Variants in NFIC observed in about 807,000 individuals in gnomAD.
NFIC encodes the protein nuclear factor I C.
Under a neutral mutation model 54.4 loss-of-function variants are expected in NFIC, and 12 were observed. The ratio of observed to expected loss-of-function variants is 0.22; its 90% CI spans 0.14 to 0.36. The LOEUF is 0.36. NFIC is among the 10% of genes least tolerant of loss of function. NFIC has a pLI of 1.00. For synonymous variants in NFIC, 322 were observed against 319.2 expected (o/e 1.01, Z -0.09); for missense variants, 575 against 718.2 (o/e 0.80, Z 2.28).
chr19:3,422,696 G>A (rs559583097), intron 2 of NFIC, among the ~76,000 whole-genome samples: 1 of 151,888 alleles, frequency 6.6e-6, no homozygotes, highest in African/African-American at 2.4e-5. Context: ...CAGCCTGGGC[G>A]ACAGAGCGAG....
At chr19:3,368,913 C>G (rs1290688776) in intron 1 of NFIC, among the ~76,000 whole-genome samples, 6 of 147,066 alleles carry the variant, frequency 4.1e-5, no homozygotes, top group South Asian at 2.2e-4. Flanking sequence ...TGCTCTGACT[C>G]TGTGTGTGTG....
rs1304612681 is a variant in NFIC at position 3,461,946 on chromosome 19, C to G, written c.1510-806C>G. On this transcript the variant is annotated intron_variant, in intron 10 of 10. Coordinates refer to ENST00000443272, the MANE Select transcript of NFIC (RefSeq NM_001245002.2). ...GCATGCGCCTGTAATCCCAGCTACTCGGGAGGCTGAGGCAGGAGAATCACT... is the reference window on the plus strand; with the variant it reads ...GCATGCGCCTGTAATCCCAGCTACTGGGGAGGCTGAGGCAGGAGAATCACT... Among the ~76,000 whole-genome samples the G allele has an allele frequency of 2.0e-5, 3 of 151,290 alleles. No individual in the cohort carries two copies. In the East Asian group the frequency reaches 5.9e-4, roughly 30 times the overall value.
chr19:3,412,657 C>A (rs1448193458), intron 2 of NFIC, among the ~76,000 whole-genome samples: 1 of 152,176 alleles, frequency 6.6e-6, no homozygotes, highest in Admixed American at 6.5e-5. Context: ...CTCTGGGTAT[C>A]CTGGAGATTG....
At chr19:3,430,805 A>G (rs574499014) in intron 3 of NFIC, among the ~76,000 whole-genome samples, 12 of 151,904 alleles carry the variant, frequency 7.9e-5, no homozygotes, top group Non-Finnish European at 1.8e-4. Flanking sequence ...TGTGGCAGGT[A>G]CTTGTAATCC....
Position 3,369,233 on chromosome 19 carries a change from C to T in NFIC, c.30+2567C>T, listed in dbSNP as rs904450795. On this transcript the variant is annotated intron_variant, in intron 1 of 10. Transcript: ENST00000443272. This position sits in a 1 kb window ranked among gnomAD's most constrained non-coding sequence, Gnocchi z 4.3. ...TTCTCTGTCTCTGTCTCTCTGCCCC[C>T]TTCCTCTCTGTCTCTGTTTCTCTCC... is the stretch of plus-strand genomic sequence containing the variant. Among the ~76,000 whole-genome samples the T allele has an allele frequency of 5.3e-5, 8 of 151,888 alleles. No homozygotes were observed. Among genetic ancestry groups the T allele is most frequent in the African/African-American group, 1.9e-4 (8 of 41,326 alleles).
intron 2 of NFIC, among the ~76,000 whole-genome samples, chr19:3,410,220 T>G (rs896018431): frequency 1.3e-5 from 2 of 152,154 alleles, no homozygotes; most frequent in African/African-American, 4.8e-5. Context: ...TTTTGTATTT[T>G]TAATAGAGAC....
intron 2 of NFIC, among the ~76,000 whole-genome samples, chr19:3,388,921 C>T (rs1020272661): frequency 6.6e-6 from 1 of 152,112 alleles, no homozygotes; most frequent in Non-Finnish European, 1.5e-5. Flanking sequence ...AGGAGAGTCG[C>T]TTGAACCTAG....
intron 2 of NFIC, among the ~76,000 whole-genome samples, chr19:3,418,034 T>C (rs2081894316): frequency 6.6e-6 from 1 of 151,958 alleles, no homozygotes; most frequent in Non-Finnish European, 1.5e-5. Context: ...ACCAGCCACG[T>C]GTGGCTCTTT....
chr19:3,460,197 A>G (rs60492746), intron 10 of NFIC, among the ~76,000 whole-genome samples: 20,705 of 152,164 alleles, frequency 0.14, 2,072 homozygotes, highest in African/African-American at 0.27. Context: ...GTGGAGCAAG[A>G]GGGGGCCATC....
chr19:3,456,570 T>TC lies in NFIC; in HGVS notation c.1448dup (p.Ala484CysfsTer58). ...TGCAGCCTACTCTCCGCCCGACACG[T>TC]CCCCTGCAAACCGTTCCTTTGTGGG... is the stretch of plus-strand genomic sequence containing the variant. On this transcript the variant is annotated frameshift_variant, in exon 10 of 11. Coordinates refer to ENST00000443272, the MANE Select transcript of NFIC (RefSeq NM_001245002.2). LOFTEE classifies it high-confidence loss of function. 1 of 1,549,116 alleles carries TC rather than the reference T, an allele frequency of 6.5e-7. No homozygotes were observed. Among genetic ancestry groups the TC allele is most frequent in the Non-Finnish European group, 8.7e-7 (1 of 1,145,414 alleles).
At chr19:3,384,100 G>C (rs1015711689) in intron 2 of NFIC, among the ~76,000 whole-genome samples, 1 of 144,546 alleles carries the variant, frequency 6.9e-6, no homozygotes, top group Admixed American at 7.3e-5. Context: ...TGTCACCCAC[G>C]CTGGAGTGCA....
rs545554823 is a variant in NFIC, at chr19:3,411,489, G to A, written c.563-13617G>A. Among the ~76,000 whole-genome samples the A allele has an allele frequency of 3.9e-5, 6 of 151,938 alleles. No homozygotes were observed. The East Asian group carries it at 9.7e-4, about 25-fold the overall frequency. On this transcript the variant is annotated intron_variant, in intron 2 of 10. Transcript: ENST00000443272. ...ACTACAGGCACACACCACCATGCCC[G>A]GCTAATTTTTGTATTTTTAGTAGAG... is the stretch of plus-strand genomic sequence containing the variant.
At chr19:3,376,640 G>A (rs1418096165) in intron 1 of NFIC, among the ~76,000 whole-genome samples, 3 of 152,024 alleles carry the variant, frequency 2.0e-5, no homozygotes, top group African/African-American at 7.2e-5. Flanking sequence ...AAGCTGACGT[G>A]GGAGAATCGC....
chr19:3,373,428 CCT>C (rs2081054963), intron 1 of NFIC, among the ~76,000 whole-genome samples: 1 of 150,558 alleles, frequency 6.6e-6, no homozygotes, highest in Non-Finnish European at 1.5e-5. Context: ...ACCCTCCCCT[CCT>C]CTCTCTTTCC....
At position 3,467,788 on chromosome 19, in the gene NFIC, T is replaced by TATATATATATATATAA. The variant is rs566623409; in HGVS notation, c.*5020_*5021insTATATATATATATAAA. On this transcript the variant is annotated 3_prime_UTR_variant, in exon 11 of 11. Transcript: ENST00000443272. ...ATATATATATATATATATATATATA[T>TATATATATATATATAA]AATTTTGGAATTTGTTTCTCATAAT... is the stretch of plus-strand genomic sequence containing the variant. 5 of 136,798 alleles carry TATATATATATATATAA rather than the reference T, an allele frequency of 3.7e-5. No homozygotes were observed. Among genetic ancestry groups the TATATATATATATATAA allele is most frequent in the African/African-American group, 1.4e-4 (5 of 35,418 alleles). 8.5% of individuals were successfully genotyped at this position (136,798 alleles called of 1,614,324 possible). A position where few individuals can be genotyped will look rare whatever the true frequency, so the allele number is the denominator to read the frequency against.
intron 3 of NFIC, among the ~76,000 whole-genome samples, chr19:3,425,662 G>C (rs976045185): frequency 6.6e-6 from 1 of 152,050 alleles, no homozygotes; most frequent in Non-Finnish European, 1.5e-5. Context: ...GTTTCACCAT[G>C]TTGGCCAGGT....
At chr19:3,381,294 C>T (rs1283123897) in intron 1 of NFIC, among the ~76,000 whole-genome samples, 1 of 150,474 alleles carries the variant, frequency 6.6e-6, no homozygotes, top group Non-Finnish European at 1.5e-5. Flanking sequence ...ACTCGGGAGG[C>T]TGAGGCAGGA....
intron 2 of NFIC, among the ~76,000 whole-genome samples, chr19:3,422,035 C>G (rs1042379762): frequency 6.6e-6 from 1 of 152,098 alleles, no homozygotes; most frequent in Non-Finnish European, 1.5e-5. Context: ...CTCCGGGGTT[C>G]GAGCGATTCT....
Position 3,453,917 on chromosome 19 carries a change from G to C in NFIC, c.1423+1G>C. The C allele has an allele frequency of 2.0e-6, 3 of 1,533,902 alleles. No individual in the cohort carries two copies. Among genetic ancestry groups the C allele is most frequent in the Non-Finnish European group, 2.6e-6 (3 of 1,141,514 alleles). ...GGAGCCACGTCGCCGACCTCGCCTT[G>C]TAAGCACGCGGGAAGCGGTGCCCTG... On this transcript the variant is annotated splice_donor_variant, in intron 9 of 10. Transcript: ENST00000443272. LOFTEE classifies it high-confidence loss of function. The surrounding 1 kb of genome is among the most constrained non-coding windows in gnomAD (Gnocchi z 6.7).
Sources: gnomAD v4.1 joint callset for allele counts (sites outside exome capture counted in the v4.1 genomes callset) on GRCh38, gnomAD v4.1.1 for gene constraint, Gnocchi (gnomAD v3.1) non-coding constraint, MANE v1.5 for transcripts, NCBI Gene and HGNC (gene_info 2026-07-23, HGNC 2026-07-21) for gene names.